Variants in RAB3B observed in about 807,000 individuals in gnomAD.
RAB3B encodes the protein RAB3B, member RAS oncogene family.
RAB3B carries 11 observed loss-of-function variants against 20.5 expected under a neutral mutation model. The ratio of observed to expected loss-of-function variants is 0.54; its 90% CI spans 0.34 to 0.89. The LOEUF is 0.89. RAB3B is among the 40% of genes least tolerant of loss of function. The probability of loss-of-function intolerance (pLI) is 0.02; values close to 1 mark genes in which losing one functional copy is unlikely to be tolerated. For missense variants in RAB3B, 225 were observed against 280.9 expected (o/e 0.80, Z 1.42); for synonymous variants, 99 against 106.3 (o/e 0.93, Z 0.42).
intron 3 of RAB3B, among the ~76,000 whole-genome samples, chr1:51,936,427 G>C (rs1684404503): frequency 6.6e-6 from 1 of 152,170 alleles, no homozygotes; most frequent in Non-Finnish European, 1.5e-5. Context: ...AACTTTAAGT[G>C]CTATGTGGAT....
In RAB3B at chr1:51,976,946, C is replaced by T. The variant is rs1178890236; in HGVS notation, c.172G>A (p.Asp58Asn). Residue 58 changes from aspartate (D) to asparagine (N), a missense_variant, in exon 2 of 5, where the codon GAC becomes AAC. By Grantham distance (23) the Asp-to-Asn change is conservative. Coordinates refer to ENST00000371655, the MANE Select transcript of RAB3B (RefSeq NM_002867.4). Reference protein sequence around the residue: ...TPAFVSTVGIDFKVKTVYRHE... With the variant: ...TPAFVSTVGINFKVKTVYRHE... ...CGGTAGACTGTCTTCACCTTGAAGT[C>T]GATGCCCACGGTGCTAACGAAGGCT... The T allele has an allele frequency of 6.2e-7, 1 of 1,614,052 alleles. No homozygotes were observed. Among genetic ancestry groups the T allele is most frequent in the African/African-American group, 1.3e-5 (1 of 74,926 alleles).
chr1:51,988,965 C>T (rs1685183029), intron 1 of RAB3B, among the ~76,000 whole-genome samples: 1 of 151,824 alleles, frequency 6.6e-6, no homozygotes, highest in Non-Finnish European at 1.5e-5. Context: ...CCAACCCACC[C>T]ACCTCCCCCA....
intron 2 of RAB3B, among the ~76,000 whole-genome samples, chr1:51,959,787 C>G (rs942667257): frequency 6.6e-6 from 1 of 152,198 alleles, no homozygotes; most frequent in Non-Finnish European, 1.5e-5. Context: ...ATGTACCATA[C>G]TAATGTACGA....
At chr1:51,986,981 G>A (rs1040798081) in intron 1 of RAB3B, among the ~76,000 whole-genome samples, 1 of 152,214 alleles carries the variant, frequency 6.6e-6, no homozygotes, top group Non-Finnish European at 1.5e-5. Context: ...TCTATTTTGT[G>A]ACAGTCACAT....
chr1:51,963,977 GTGC>G (rs1201951245), intron 2 of RAB3B, among the ~76,000 whole-genome samples: 4 of 152,110 alleles, frequency 2.6e-5, no homozygotes, highest in Non-Finnish European at 4.4e-5. Context: ...CCATACGAAC[GTGC>G]TGCTACTTCT....
At chr1:51,939,934 A>G (rs1029448157) in intron 2 of RAB3B, among the ~76,000 whole-genome samples, 3 of 152,186 alleles carry the variant, frequency 2.0e-5, no homozygotes, top group Admixed American at 2.0e-4. Flanking sequence ...CCATCAATGA[A>G]AGATTGATTT....
At chr1:51,986,657 T>G (rs1383706605) in intron 1 of RAB3B, among the ~76,000 whole-genome samples, 1 of 152,016 alleles carries the variant, frequency 6.6e-6, no homozygotes, top group African/African-American at 2.4e-5. Flanking sequence ...ACATCCTGAG[T>G]GTCCTGCTAC....
chr1:51,936,825 TTTTTTTAAG>T (rs1332978334), intron 3 of RAB3B, among the ~76,000 whole-genome samples: 1 of 151,994 alleles, frequency 6.6e-6, no homozygotes, highest in East Asian at 1.9e-4. Flanking sequence ...TTTCTTTTTT[TTTTTTTAAG>T]ATAGAGTCTC....
At position 51,916,767 on chromosome 1, in the gene RAB3B, T is replaced by C. The variant is rs911860903; in HGVS notation, c.*3160A>G. ...TTTCTACCCAGGCCCATGGGATCTGTTGCCTCAGAGACTGACTCGCCTTTC... is the reference window on the plus strand; with the variant it reads ...TTTCTACCCAGGCCCATGGGATCTGCTGCCTCAGAGACTGACTCGCCTTTC... On this transcript the variant is annotated 3_prime_UTR_variant, in exon 5 of 5. Coordinates refer to ENST00000371655, the MANE Select transcript of RAB3B (RefSeq NM_002867.4). 6.6e-6 allele frequency: 1 copy of C among 152,220 alleles called. No homozygotes were observed. Among genetic ancestry groups the C allele is most frequent in the African/African-American group, 2.4e-5 (1 of 41,450 alleles). 9.4% of individuals were successfully genotyped at this position (152,220 alleles called of 1,614,324 possible).
intron 2 of RAB3B, among the ~76,000 whole-genome samples, chr1:51,964,669 C>T (rs534014310): frequency 5.3e-5 from 8 of 152,284 alleles, no homozygotes; most frequent in South Asian, 2.1e-4. Context: ...AACTTCTAGT[C>T]GCTCAGCCCA....
intron 3 of RAB3B, among the ~76,000 whole-genome samples, chr1:51,936,283 C>A (rs561973165): frequency 7.2e-5 from 11 of 152,176 alleles, no homozygotes; most frequent in Non-Finnish European, 1.2e-4. Context: ...TCCTGGGAAT[C>A]GTGCCCCAGG....
In RAB3B at chr1:51,914,227, G is replaced by T. The variant is rs1226334737; in HGVS notation, c.*5700C>A. 1 of 152,158 alleles carries T rather than the reference G, an allele frequency of 6.6e-6. No individual in the cohort carries two copies. The highest frequency in any genetic ancestry group is 1.9e-4 in the East Asian group (1 of 5,200). The allele number at this position is 152,158 out of a possible 1,614,324, so 9.4% of individuals were successfully genotyped here. On this transcript the variant is annotated 3_prime_UTR_variant, in exon 5 of 5. Transcript: ENST00000371655. ...TTCTCCTATCCTCAGTCTTCTTGGG[G>T]CATTTGTATTTGATCAGTCATCAAA...
At chr1:51,980,450 T>A in intron 1 of RAB3B, 11 of 497,632 alleles carry the variant, frequency 2.2e-5, no homozygotes, top group East Asian at 8.1e-5. Context: ...AAAAACCTCC[T>A]CTCTCCAGTC....
chr1:51,936,516 C>T (rs1230658876), intron 3 of RAB3B, among the ~76,000 whole-genome samples: 1 of 152,184 alleles, frequency 6.6e-6, no homozygotes, highest in Admixed American at 6.5e-5. Context: ...ACGTCATCAC[C>T]TATGGGACAG....
intron 2 of RAB3B, among the ~76,000 whole-genome samples, chr1:51,953,502 A>T (rs562342511): frequency 1.4e-4 from 22 of 152,244 alleles, no homozygotes; most frequent in Non-Finnish European, 2.6e-4. Flanking sequence ...TCAAAAGACA[A>T]TTCACAAAAA....
intron 2 of RAB3B, among the ~76,000 whole-genome samples, chr1:51,958,189 T>C (rs1364786775): frequency 6.6e-6 from 1 of 152,082 alleles, no homozygotes; most frequent in Non-Finnish European, 1.5e-5. Context: ...TATGCAGAAG[T>C]AGGGTCCAGT....
chr1:51,967,510 CTTTTCT>C lies in RAB3B; in HGVS notation c.228+9374_228+9379del, dbSNP rs1328751253. Among the ~76,000 whole-genome samples, 3 of 28,208 alleles carry C rather than the reference CTTTTCT, an allele frequency of 1.1e-4. 1 individual carries two copies. The highest frequency in any genetic ancestry group is 2.1e-4 in the African/African-American group (3 of 14,444). The allele number at this position is 28,208 out of a possible 152,430, so 18.5% of individuals were successfully genotyped here. A position where few individuals can be genotyped will look rare whatever the true frequency, so the allele number is the denominator to read the frequency against. ...TATCAGGTATTTTCCTTTTTCTTTT[CTTTTCT>C]TTTTCTTTTTTTTTTTTTTTTTTGA... On this transcript the variant is annotated intron_variant, in intron 2 of 4. Transcript: ENST00000371655.
Position 51,976,993 on chromosome 1 carries a change from T to A in RAB3B, c.125A>T (p.Tyr42Phe). The change falls in exon 2 of 5, where the codon TAT becomes TTT. Residue 42 changes from tyrosine to phenylalanine, a missense_variant. Tyr to Phe is a conservative substitution (Grantham distance 22). Coordinates refer to ENST00000371655, the MANE Select transcript of RAB3B (RefSeq NM_002867.4). Reference protein sequence around the residue: ...SVGKTSFLFRYADDTFTPAFV... With the variant: ...SVGKTSFLFRFADDTFTPAFV... ...GGCTGGGGTGAACGTGTCATCAGCA[T>A]AGCGGAAGAGGAAGGAGGTCTTGCC... 4 of 1,614,224 alleles carry A rather than the reference T, an allele frequency of 2.5e-6. No individual in the cohort carries two copies. Among genetic ancestry groups the A allele is most frequent in the African/African-American group, 2.7e-5 (2 of 75,056 alleles).
intron 4 of RAB3B, among the ~76,000 whole-genome samples, chr1:51,921,498 C>A (rs773670073): frequency 6.6e-6 from 1 of 151,900 alleles, no homozygotes; most frequent in Non-Finnish European, 1.5e-5. Context: ...CTCATTTCTT[C>A]CCCCTTTTCT....
Sources: allele counts gnomAD v4.1 joint callset (sites outside exome capture counted in the v4.1 genomes callset), GRCh38; gene constraint gnomAD v4.1.1; transcripts MANE v1.5; gene names NCBI Gene and HGNC (gene_info 2026-07-23, HGNC 2026-07-21).